NEK6: variants seen among roughly 807,000 people sequenced by gnomAD.
NEK6 encodes the protein serine/threonine-protein kinase Nek6.
NEK6 carries 27 observed loss-of-function variants against 43.5 expected under a neutral mutation model. The observed-to-expected ratio is 0.62, with a 90% CI of 0.46 to 0.86. NEK6 has a LOEUF of 0.86. NEK6 is among the 40% of genes least tolerant of loss of function. The pLI, the probability that NEK6 is intolerant of heterozygous loss-of-function variation, is 0.00. For synonymous variants in NEK6, 167 were observed against 164.1 expected (o/e 1.02, Z -0.14); for missense variants, 318 against 414.4 (o/e 0.77, Z 2.02).
intron 2 of NEK6, among the ~76,000 whole-genome samples, chr9:124,304,747 G>A (rs1390865121): frequency 6.6e-6 from 1 of 152,154 alleles, no homozygotes; most frequent in Non-Finnish European, 1.5e-5. Flanking sequence ...TTCATTTCAG[G>A]AAGCTTTCTA....
chr9:124,292,087 A>C (rs1279319576), intron 1 of NEK6: 1 of 1,047,350 alleles, frequency 9.5e-7, no homozygotes, highest in Non-Finnish European at 1.2e-6. Flanking sequence ...CCACTTCAAA[A>C]GGTACCCTGA....
rs553787170 is a variant in NEK6 at position 124,266,297 on chromosome 9, C to T, written c.-30+8212C>T. Among the ~76,000 whole-genome samples the T allele has an allele frequency of 5.9e-5, 9 of 152,284 alleles. No individual in the cohort carries two copies. In the South Asian group the frequency reaches 1.2e-3, roughly 21 times the overall value. On this transcript the variant is annotated intron_variant, in intron 1 of 9. Coordinates refer to ENST00000320246, the MANE Select transcript of NEK6 (RefSeq NM_014397.6). ...ACTCACTTCATCCTCCCAGTGATGCCGTGATGTGGGTATCGTTCTGCCCAT... is the reference window on the plus strand; with the variant it reads ...ACTCACTTCATCCTCCCAGTGATGCTGTGATGTGGGTATCGTTCTGCCCAT...
In NEK6 at chr9:124,275,621, T is replaced by C. The variant is rs1447074229; in HGVS notation, c.-30+17536T>C. On this transcript the variant is annotated intron_variant, in intron 1 of 9. Coordinates refer to ENST00000320246, the MANE Select transcript of NEK6 (RefSeq NM_014397.6). The surrounding 1 kb of genome is among the most constrained non-coding windows in gnomAD (Gnocchi z 4.4). ...TGCTTGGTGCCTCCATAGCCCCTTC[T>C]GCATCTTCCCCAACATGGCCCCCCA... Among the ~76,000 whole-genome samples, 6 of 152,202 alleles carry C rather than the reference T, an allele frequency of 3.9e-5. No homozygotes were observed. The highest frequency in any genetic ancestry group is 7.4e-5 in the Non-Finnish European group (5 of 68,022).
intron 1 of NEK6, among the ~76,000 whole-genome samples, chr9:124,277,243 G>A (rs916533349): frequency 6.6e-6 from 1 of 152,182 alleles, no homozygotes; most frequent in African/African-American, 2.4e-5. Flanking sequence ...CCAGGAGCTC[G>A]AAACCAGCCT....
intron 2 of NEK6, among the ~76,000 whole-genome samples, chr9:124,309,493 G>A (rs565370268): frequency 6.6e-6 from 1 of 152,280 alleles, no homozygotes; most frequent in Non-Finnish European, 1.5e-5. Flanking sequence ...ACTGTGCCTG[G>A]GGGAAACTGA....
intron 8 of NEK6, among the ~76,000 whole-genome samples, chr9:124,342,455 G>T (rs1039455442): frequency 6.6e-6 from 1 of 152,252 alleles, no homozygotes; most frequent in Non-Finnish European, 1.5e-5. Context: ...GTGGGCCTCA[G>T]GTGTCCCATA....
intron 7 of NEK6, among the ~76,000 whole-genome samples, chr9:124,333,189 T>C (rs1318163885): frequency 1.3e-5 from 2 of 152,240 alleles, no homozygotes; most frequent in Non-Finnish European, 2.9e-5. Flanking sequence ...TCTCTTGTTT[T>C]ATCTTCAAAA....
intron 1 of NEK6, chr9:124,300,117 G>C (rs1320534596): frequency 1.3e-5 from 2 of 152,240 alleles, no homozygotes; most frequent in Non-Finnish European, 2.9e-5. Context: ...GGAGCCTCAG[G>C]GTGCCTTTGA....
At chr9:124,289,918 GACC>G (rs919871072) in intron 1 of NEK6, among the ~76,000 whole-genome samples, 3 of 152,144 alleles carry the variant, frequency 2.0e-5, no homozygotes, top group Non-Finnish European at 2.9e-5. Context: ...TGGGCCACCA[GACC>G]ACACACAGCA....
chr9:124,347,397 C>CTGAGGTGGGAG (rs1829992155), intron 8 of NEK6, among the ~76,000 whole-genome samples: 1 of 152,258 alleles, frequency 6.6e-6, no homozygotes, highest in East Asian at 1.9e-4. Flanking sequence ...GAGCCTGGGT[C>CTGAGGTGGGAG]CCCCGGGCTG....
intron 7 of NEK6, among the ~76,000 whole-genome samples, chr9:124,338,608 G>GT (rs1829410003): frequency 6.6e-6 from 1 of 152,188 alleles, no homozygotes; most frequent in Non-Finnish European, 1.5e-5. Context: ...TTTCCATCCT[G>GT]TTTAAGAGAT....
intron 2 of NEK6, among the ~76,000 whole-genome samples, chr9:124,304,185 G>A (rs1484232443): frequency 6.6e-6 from 1 of 152,240 alleles, no homozygotes; most frequent in Non-Finnish European, 1.5e-5. Flanking sequence ...TGGGAAAGGG[G>A]GACTTTCTCC....
At chr9:124,274,033 C>T (rs1831557370) in intron 1 of NEK6, among the ~76,000 whole-genome samples, 1 of 152,218 alleles carries the variant, frequency 6.6e-6, no homozygotes. Context: ...GCCATCACTT[C>T]TGTGGGATGA....
In NEK6 at chr9:124,353,188, A is replaced by G. The variant is rs1830342565; in HGVS notation, c.*2241A>G. The G allele has an allele frequency of 5.0e-6, 1 of 199,220 alleles. No individual in the cohort carries two copies. The highest frequency in any genetic ancestry group is 2.4e-5 in the African/African-American group (1 of 42,326). 12.3% of individuals were successfully genotyped at this position (199,220 alleles called of 1,614,324 possible). A position where few individuals can be genotyped will look rare whatever the true frequency, so the allele number is the denominator to read the frequency against. ...CTGAGGTGGAGGGTGTGCTGCACTT[A>G]TCACCCCATTTCAAAACCAAACCAA... On this transcript the variant is annotated 3_prime_UTR_variant, in exon 10 of 10. Transcript: ENST00000320246.
intron 8 of NEK6, among the ~76,000 whole-genome samples, chr9:124,345,650 C>A (rs1829883224): frequency 6.6e-6 from 1 of 152,064 alleles, no homozygotes; most frequent in Non-Finnish European, 1.5e-5. Context: ...CCGGGGTCAG[C>A]CACATGAAAA....
intron 1 of NEK6, among the ~76,000 whole-genome samples, chr9:124,300,570 G>T (rs902933905): frequency 1.3e-5 from 2 of 152,296 alleles, no homozygotes; most frequent in Admixed American, 1.3e-4. Context: ...TTGAGATGGG[G>T]ATATGTAGGC....
chr9:124,289,519 TGGG>T (rs1358609753), intron 1 of NEK6, among the ~76,000 whole-genome samples: 4 of 152,074 alleles, frequency 2.6e-5, no homozygotes, highest in Non-Finnish European at 5.9e-5. Flanking sequence ...GGCTGTGTGT[TGGG>T]GAGCCCAGGA....
In NEK6 at chr9:124,317,029, C is replaced by T. The variant is rs181210443; in HGVS notation, c.294+3044C>T. Among the ~76,000 whole-genome samples the T allele has an allele frequency of 1.8e-4, 28 of 152,324 alleles. No individual in the cohort carries two copies. The East Asian group carries it at 3.9e-3, about 21-fold the overall frequency. The stretch of plus-strand genomic sequence containing the variant: ...GAAGTTCAAGAGGAGGGTGAAGGAG[C>T]AGGGTGTTCCCATTTATCCTCATAG... On this transcript the variant is annotated intron_variant, in intron 4 of 9. Transcript: ENST00000320246.
At chr9:124,297,460 G>C (rs1832747424) in intron 1 of NEK6, among the ~76,000 whole-genome samples, 1 of 152,192 alleles carries the variant, frequency 6.6e-6, no homozygotes, top group Non-Finnish European at 1.5e-5. Flanking sequence ...CTGCAGTCCA[G>C]CTCCCCGCCA....
Sources: gnomAD v4.1 joint callset for allele counts (sites outside exome capture counted in the v4.1 genomes callset) on GRCh38, gnomAD v4.1.1 for gene constraint, Gnocchi (gnomAD v3.1) non-coding constraint, MANE v1.5 for transcripts, NCBI Gene and HGNC (gene_info 2026-07-23, HGNC 2026-07-21) for gene names.